CNTN5: variants seen among roughly 807,000 people sequenced by gnomAD.
CNTN5 encodes the protein contactin-5.
Under a neutral mutation model 129.1 loss-of-function variants are expected in CNTN5, and 77 were observed. That is an observed-to-expected ratio of 0.60 (90% CI 0.50 to 0.72). The LOEUF (loss-of-function observed/expected upper bound fraction) is 0.72. Ranked by LOEUF, CNTN5 falls within the 30% of genes least tolerant of loss-of-function variation. The pLI, the probability that CNTN5 is intolerant of heterozygous loss-of-function variation, is 0.00. For missense variants in CNTN5, 1,478 were observed against 1,328.8 expected, an observed-to-expected ratio of 1.11 and a Z score of -1.75; for synonymous variants, 509 against 465.6, an observed-to-expected ratio of 1.09 and a Z score of -1.20.
intron 1 of CNTN5, among the ~76,000 whole-genome samples, chr11:99,047,587 A>G (rs1864265083): frequency 1.3e-5 from 2 of 152,226 alleles, no homozygotes; most frequent in South Asian, 2.1e-4. Context: ...CCAGCAATTA[A>G]TCTGGTAAAA....
intron 2 of CNTN5, among the ~76,000 whole-genome samples, chr11:99,364,469 C>T (rs948548026): frequency 1.3e-5 from 2 of 152,004 alleles, no homozygotes; most frequent in African/African-American, 4.8e-5. Flanking sequence ...TAACTCCAGG[C>T]TCTTATCTAA....
chr11:99,073,171 A>G (rs1865407545), intron 1 of CNTN5, among the ~76,000 whole-genome samples: 1 of 152,204 alleles, frequency 6.6e-6, no homozygotes, highest in African/African-American at 2.4e-5. Context: ...TTTTGGTTAT[A>G]CACTAAGCAT....
At chr11:99,229,018 A>T (rs1860839742) in intron 1 of CNTN5, among the ~76,000 whole-genome samples, 1 of 152,010 alleles carries the variant, frequency 6.6e-6, no homozygotes, top group South Asian at 2.1e-4. Flanking sequence ...ATCATTTTCC[A>T]ATTTTTTCTA....
chr11:99,657,164 A>G (rs1198583713), intron 3 of CNTN5, among the ~76,000 whole-genome samples: 3 of 152,130 alleles, frequency 2.0e-5, no homozygotes, highest in East Asian at 3.9e-4. Flanking sequence ...GCCTCACTGA[A>G]CTGTTGTAAA....
chr11:99,583,504 C>G (rs1320785538), intron 3 of CNTN5, among the ~76,000 whole-genome samples: 1 of 152,188 alleles, frequency 6.6e-6, no homozygotes, highest in Non-Finnish European at 1.5e-5. Flanking sequence ...CTTTGTTTAC[C>G]TACTCAAGCC....
intron 1 of CNTN5, among the ~76,000 whole-genome samples, chr11:99,186,623 C>T (rs970874469): frequency 4.6e-5 from 7 of 151,900 alleles, no homozygotes; most frequent in African/African-American, 1.7e-4. Flanking sequence ...ATGGCATTAT[C>T]TTCAAGAACA....
chr11:100,122,711 G>C (rs998190695), intron 13 of CNTN5, among the ~76,000 whole-genome samples: 1 of 152,022 alleles, frequency 6.6e-6, no homozygotes, highest in African/African-American at 2.4e-5. Flanking sequence ...GTTAGTGAAA[G>C]GAAAATTGTC....
At chr11:99,714,412 A>G (rs1955131828) in intron 3 of CNTN5, among the ~76,000 whole-genome samples, 1 of 151,926 alleles carries the variant, frequency 6.6e-6, no homozygotes, top group South Asian at 2.1e-4. Context: ...AATTTTGAGT[A>G]GGACCATCCT....
At chr11:99,703,153 T>C (rs1954596145) in intron 3 of CNTN5, among the ~76,000 whole-genome samples, 1 of 149,376 alleles carries the variant, frequency 6.7e-6, no homozygotes, top group South Asian at 2.1e-4. Context: ...TTTATAATCT[T>C]TGAGTTTTGA....
At chr11:99,519,858 G>A (rs1947206995) in intron 2 of CNTN5, among the ~76,000 whole-genome samples, 1 of 152,064 alleles carries the variant, frequency 6.6e-6, no homozygotes, top group Non-Finnish European at 1.5e-5. Context: ...AGGTTTCCCT[G>A]TCAGAGACCA....
intron 2 of CNTN5, among the ~76,000 whole-genome samples, chr11:99,436,718 C>G (rs771894107): frequency 2.0e-4 from 31 of 152,196 alleles, no homozygotes; most frequent in Middle Eastern, 6.8e-3. Context: ...ACAAAATACT[C>G]AAAAATTCAA....
intron 2 of CNTN5, among the ~76,000 whole-genome samples, chr11:99,343,645 A>C (rs1274818813): frequency 6.6e-6 from 1 of 152,170 alleles, no homozygotes; most frequent in Non-Finnish European, 1.5e-5. Flanking sequence ...TCTATCTTTT[A>C]AATTCTGCTT....
chr11:99,545,477 T>A (rs1948259917), intron 2 of CNTN5, among the ~76,000 whole-genome samples: 1 of 152,216 alleles, frequency 6.6e-6, no homozygotes, highest in South Asian at 2.1e-4. Context: ...TATTTTCATA[T>A]TTAATTAAAT....
At chr11:99,144,133 C>T (rs1859664679) in intron 1 of CNTN5, among the ~76,000 whole-genome samples, 1 of 152,124 alleles carries the variant, frequency 6.6e-6, no homozygotes, top group Non-Finnish European at 1.5e-5. Context: ...TTATGATTGG[C>T]TAAATTACAA....
intron 8 of CNTN5, among the ~76,000 whole-genome samples, chr11:99,993,468 A>G (rs1157215840): frequency 3.3e-5 from 5 of 151,942 alleles, no homozygotes; most frequent in African/African-American, 9.7e-5. Context: ...ATGGAGGACA[A>G]TTTTTTCACA....
chr11:100,171,781 A>T (rs1484344542), intron 13 of CNTN5, among the ~76,000 whole-genome samples: 3 of 151,978 alleles, frequency 2.0e-5, no homozygotes, highest in Non-Finnish European at 4.4e-5. Flanking sequence ...GAATACTTCC[A>T]GGGGAAAACG....
At chr11:99,639,609 G>A (rs1951694882) in intron 3 of CNTN5, among the ~76,000 whole-genome samples, 1 of 108,812 alleles carries the variant, frequency 9.2e-6, no homozygotes, top group African/African-American at 3.5e-5. Flanking sequence ...TTGCTTCCCA[G>A]GCTGGAGTGC....
chr11:99,613,740 G>C (rs1439555785), intron 3 of CNTN5, among the ~76,000 whole-genome samples: 1 of 152,076 alleles, frequency 6.6e-6, no homozygotes, highest in East Asian at 1.9e-4. Flanking sequence ...TTATTCTGAG[G>C]ATAATAGATA....
chr11:99,751,678 C>A (rs1291768624), intron 3 of CNTN5, among the ~76,000 whole-genome samples: 1 of 152,024 alleles, frequency 6.6e-6, no homozygotes, highest in African/African-American at 2.4e-5. Flanking sequence ...ATATAGGCTG[C>A]CTTTTAATTA....
Sources: gnomAD v4.1 joint callset for allele counts (sites outside exome capture counted in the v4.1 genomes callset) on GRCh38, gnomAD v4.1.1 for gene constraint, MANE v1.5 for transcripts, NCBI Gene and HGNC (gene_info 2026-07-23, HGNC 2026-07-21) for gene names.